CFAP46: variants seen among roughly 807,000 people sequenced by gnomAD.
The protein encoded by CFAP46 is cilia- and flagella-associated protein 46.
Under a neutral mutation model 325.7 loss-of-function variants are expected in CFAP46, and 245 were observed. The ratio of observed to expected loss-of-function variants is 0.75; its 90% CI spans 0.68 to 0.84. The LOEUF is 0.84. Among genes scored for constraint, CFAP46 ranks in the 40% least tolerant of loss-of-function variants. The pLI is 0.00. For missense variants in CFAP46, 3,346 were observed against 3,543.0 expected (o/e 0.94, Z 1.41); for synonymous variants, 1,523 against 1,495.9 (o/e 1.02, Z -0.42).
Position 132,812,772 on chromosome 10 carries a change from G to C in CFAP46, c.7501+13C>G, listed in dbSNP as rs775462298. On this transcript the variant is annotated intron_variant, in intron 55 of 57. Coordinates refer to ENST00000368586, the MANE Select transcript of CFAP46 (RefSeq NM_001200049.3). ...GCCCGCGGGGGAGGGGGTGCTGAGA[G>C]GACACCTCTCACCTTGCAAGTTCAT... 6.3e-7 allele frequency: 1 copy of C among 1,597,380 alleles called. No homozygotes were observed. Among genetic ancestry groups the C allele is most frequent in the South Asian group, 1.1e-5 (1 of 90,838 alleles).
Position 132,877,768 on chromosome 10 carries a change from C to T in CFAP46, c.4212+113G>A, listed in dbSNP as rs1023309170. 13 of 1,132,798 alleles carry T rather than the reference C, an allele frequency of 1.1e-5. No homozygotes were observed. The highest frequency in any genetic ancestry group is 9.6e-5 in the Admixed American group (4 of 41,742). 70.2% of individuals were successfully genotyped at this position (1,132,798 alleles called of 1,614,324 possible). A position where few individuals can be genotyped will look rare whatever the true frequency, so the allele number is the denominator to read the frequency against. The stretch of plus-strand genomic sequence containing the variant: ...ACTGAGGCACAGGCCATCCCGGGCC[C>T]GGCCTCTGCACTGAGGCCGCCTGGG... On this transcript the variant is annotated intron_variant, in intron 30 of 57. Transcript: ENST00000368586. This position sits in a 1 kb window ranked among gnomAD's most constrained non-coding sequence, Gnocchi z 5.7.
intron 34 of CFAP46, among the ~76,000 whole-genome samples, chr10:132,866,638 C>T (rs1267550224): frequency 6.6e-6 from 1 of 151,992 alleles, no homozygotes; most frequent in Non-Finnish European, 1.5e-5. Context: ...CGCATCCCCC[C>T]AGCCTCTCCT....
At chr10:132,905,026 C>T (rs910570051) in intron 22 of CFAP46, among the ~76,000 whole-genome samples, 2 of 152,224 alleles carry the variant, frequency 1.3e-5, no homozygotes, top group Admixed American at 6.5e-5. Context: ...CCTGGTGACT[C>T]ACCTTCCCGG....
In CFAP46 at chr10:132,942,024, A is replaced by G. The variant is rs762052041; in HGVS notation, c.130T>C (p.Phe44Leu). The change falls in exon 2 of 58, where the codon TTC becomes CTC. Residue 44 changes from phenylalanine (F) to leucine (L), a missense_variant. Transcript: ENST00000368586. ...GKSEFDPSESFSPDLFVLCAE... is the reference protein window; with the variant it reads ...GKSEFDPSESLSPDLFVLCAE... ...CACAGAACAAACAGGTCTGGGCTGA[A>G]GCTCTCTGAGGGGTCAAACTCCGAT... 7.7e-6 allele frequency: 12 copies of G among 1,551,744 alleles called. No individual in the cohort carries two copies. Among genetic ancestry groups the G allele is most frequent in the Non-Finnish European group, 1.0e-5 (12 of 1,146,924 alleles).
Position 132,922,492 on chromosome 10 carries a change from C to T in CFAP46, c.1473G>A (p.Met491Ile). 1 of 1,535,040 alleles carries T rather than the reference C, an allele frequency of 6.5e-7. No individual in the cohort carries two copies. The highest frequency in any genetic ancestry group is 8.8e-7 in the Non-Finnish European group (1 of 1,137,994). ...APERAEDKAI[M>I]AVEQAKKATP... ...CCCGGGGCGGCACCTGCTCAACGGC[C>T]ATGATGGCCTTGTCCTCTGCGCGCT... The change falls in exon 12 of 58, where the codon ATG (methionine) becomes ATA (isoleucine). Residue 491 changes from methionine (M) to isoleucine (I), a missense_variant. Transcript: ENST00000368586.
Position 132,824,047 on chromosome 10 carries a change from T to G in CFAP46, c.7118-9133A>C, listed in dbSNP as rs1411663548. ...GTGTGAGTGCTGATGTGTGCTGATG[T>G]GTGCTGTGTGTGCTGATGTGTGCTG... On this transcript the variant is annotated intron_variant, in intron 50 of 57. Coordinates refer to ENST00000368586, the MANE Select transcript of CFAP46 (RefSeq NM_001200049.3). Among the ~76,000 whole-genome samples, 5 of 128,146 alleles carry G rather than the reference T, an allele frequency of 3.9e-5. No homozygotes were observed. The East Asian group carries it at 9.8e-4, about 25-fold the overall frequency. 84.1% of individuals were successfully genotyped at this position (128,146 alleles called of 152,430 possible).
At chr10:132,849,029 C>A (rs2135123270) in intron 41 of CFAP46, among the ~76,000 whole-genome samples, 1 of 152,340 alleles carries the variant, frequency 6.6e-6, no homozygotes, top group East Asian at 1.9e-4. Flanking sequence ...CAACATAAAT[C>A]ATATCTAAGG....
intron 53 of CFAP46, 69 bp from the exon 54 acceptor site, chr10:132,814,323 C>A (rs1847644668): frequency 7.4e-7 from 1 of 1,350,418 alleles, no homozygotes; most frequent in East Asian, 2.4e-5. Flanking sequence ...GGCCGGGGTC[C>A]CTGGGGAGGG....
intron 29 of CFAP46, among the ~76,000 whole-genome samples, chr10:132,878,875 G>T (rs1430132594): frequency 6.6e-6 from 1 of 152,204 alleles, no homozygotes; most frequent in Non-Finnish European, 1.5e-5. Context: ...CCTGCGGGAG[G>T]CCTAGACAGA....
At chr10:132,846,628 G>C (rs909184444) in intron 43 of CFAP46, among the ~76,000 whole-genome samples, 1 of 152,088 alleles carries the variant, frequency 6.6e-6, no homozygotes, top group African/African-American at 2.4e-5. Flanking sequence ...GCGACTGCCG[G>C]GTCTCTGTGT....
At chr10:132,820,651 GTGC>G (rs529765152) in intron 50 of CFAP46, among the ~76,000 whole-genome samples, 2 of 143,290 alleles carry the variant, frequency 1.4e-5, no homozygotes, top group African/African-American at 5.2e-5. Context: ...TGTGCTGTGA[GTGC>G]TGATGTGTGC....
At chr10:132,880,768 A>G (rs2135368007) in intron 28 of CFAP46, 93 bp downstream of exon 28, 1 of 1,428,880 alleles carries the variant, frequency 7.0e-7, no homozygotes, top group Non-Finnish European at 9.4e-7. Flanking sequence ...GCACAGACAC[A>G]TGGATACCCA....
Position 132,872,757 on chromosome 10 carries a change from G to A in CFAP46, c.4430C>T (p.Thr1477Met), listed in dbSNP as rs754264998. The change falls in exon 32 of 58, where the codon ACG becomes ATG. Residue 1477 changes from threonine (T) to methionine (M), a missense_variant. Thr to Met is a moderately conservative substitution (Grantham distance 81). Transcript: ENST00000368586. Reference protein sequence around the residue: ...ALQKMCLHELTVPVLQLGVLI... With the variant: ...ALQKMCLHELMVPVLQLGVLI... ...CACCCCCAACTGCAGGACGGGAACC[G>A]TGAGTTCGTGCAGGCACATCTTCTG... 37 of 1,550,856 alleles carry A rather than the reference G, an allele frequency of 2.4e-5. No individual in the cohort carries two copies. Among genetic ancestry groups the A allele is most frequent in the Middle Eastern group, 1.7e-4 (1 of 6,016 alleles).
chr10:132,922,475 G>C lies in CFAP46; in HGVS notation c.1485+5C>G, dbSNP rs540460030. On this transcript the variant is annotated splice_donor_5th_base_variant and intron_variant, in intron 12 of 57. Transcript: ENST00000368586. ...CCAGCCTCCCTCACTTCCCCGGGGC[G>C]GCACCTGCTCAACGGCCATGATGGC... is the stretch of plus-strand genomic sequence containing the variant. The C allele has an allele frequency of 1.9e-5, 29 of 1,528,806 alleles. No homozygotes were observed. In the African/African-American group the frequency reaches 3.4e-4, roughly 18 times the overall value. The allele number at this position is 1,528,806 out of a possible 1,614,324, so 94.7% of individuals were successfully genotyped here. A position where few individuals can be genotyped will look rare whatever the true frequency, so the allele number is the denominator to read the frequency against.
At chr10:132,878,172 G>A (rs1009185746) in intron 29 of CFAP46, 85 bp from the exon 30 acceptor site, 24 of 1,278,840 alleles carry the variant, frequency 1.9e-5, no homozygotes, top group Non-Finnish European at 2.4e-5. Context: ...GATGAGGGAC[G>A]CTCAGACCCG....
Position 132,922,625 on chromosome 10 carries a change from T to A in CFAP46, c.1340A>T (p.Glu447Val). The change falls in exon 12 of 58, where the codon GAG (glutamate) becomes GTG (valine). Residue 447 changes from glutamate to valine, a missense_variant. By Grantham distance (121) the Glu-to-Val change is moderately radical. Coordinates refer to ENST00000368586, the MANE Select transcript of CFAP46 (RefSeq NM_001200049.3). The stretch of plus-strand genomic sequence containing the variant: ...CAGGCGCGCGGCTTTCCGGAGGTGC[T>A]CCGTGGCGGGCTCCAGCCGGTCCTC... ...EDEDRLEPAT[E>V]HLRKAARLDS... 9 of 1,549,754 alleles carry A rather than the reference T, an allele frequency of 5.8e-6. No individual in the cohort carries two copies. The highest frequency in any genetic ancestry group is 7.8e-6 in the Non-Finnish European group (9 of 1,146,840).
In CFAP46 at chr10:132,912,719, C is replaced by T. The variant is rs569947083; in HGVS notation, c.2435G>A (p.Arg812Gln). The T allele has an allele frequency of 1.2e-4, 184 of 1,550,250 alleles. No individual in the cohort carries two copies. In the Middle Eastern group the frequency reaches 1.7e-3, roughly 14 times the overall value. Residue 812 changes from arginine to glutamine, a missense_variant, in exon 19 of 58, where the codon CGA becomes CAA. Transcript: ENST00000368586. The part of the protein sequence containing the change: ...QAAEKSRKFM[R>Q]PNAFHSPLDA... The stretch of plus-strand genomic sequence containing the variant: ...CAGTGGGCTGTGAAACGCGTTTGGT[C>T]GCATGAATTTCCTGGACTTCTCGGC...
chr10:132,822,487 G>GTGTGTGCTGATGTGTGC (rs1246450089), intron 50 of CFAP46, among the ~76,000 whole-genome samples: 1 of 135,450 alleles, frequency 7.4e-6, no homozygotes, highest in East Asian at 2.3e-4. Flanking sequence ...TGTGTGTGCT[G>GTGTGTGCTGATGTGTGC]TGTGTGCTGA....
chr10:132,837,012 CG>C (rs1235774159), intron 44 of CFAP46, 98 bp from the exon 45 acceptor site: 1 of 951,414 alleles, frequency 1.1e-6, no homozygotes, highest in Admixed American at 1.9e-5. Context: ...GGCAGAGCCA[CG>C]GCGGGGGCTT....
Sources: gnomAD v4.1 joint callset for allele counts (sites outside exome capture counted in the v4.1 genomes callset) on GRCh38, gnomAD v4.1.1 for gene constraint, Gnocchi (gnomAD v3.1) non-coding constraint, MANE v1.5 for transcripts, NCBI Gene and HGNC (gene_info 2026-07-23, HGNC 2026-07-21) for gene names.